REDIC1: variants seen among roughly 807,000 people sequenced by gnomAD.
The protein encoded by REDIC1 is HEI10 Interacting Protein 1.
the REDIC1 span, among the ~76,000 whole-genome samples, chr12:39,826,774 C>T: frequency 6.7e-6 from 1 of 148,830 alleles, no homozygotes; most frequent in Non-Finnish European, 1.5e-5. Context: ...CACATATATA[C>T]TGCACCAATC....
chr12:39,695,675 A>T, the REDIC1 span, among the ~76,000 whole-genome samples: 4 of 152,136 alleles, frequency 2.6e-5, no homozygotes, highest in Non-Finnish European at 5.9e-5. Context: ...GCCTGGGGGA[A>T]CTTGACACCC....
At chr12:39,712,254 A>G in the REDIC1 span, among the ~76,000 whole-genome samples, 1 of 143,798 alleles carries the variant, frequency 7.0e-6, no homozygotes, top group Admixed American at 7.0e-5. Flanking sequence ...GTACATACAT[A>G]TATACATATG....
chr12:39,673,653 A>G, the REDIC1 span, among the ~76,000 whole-genome samples: 1 of 152,080 alleles, frequency 6.6e-6, no homozygotes, highest in Non-Finnish European at 1.5e-5. Flanking sequence ...TCCTGTTTTC[A>G]TGTATCTAAC....
chr12:39,705,454 C>G, the REDIC1 span, among the ~76,000 whole-genome samples: 1 of 152,034 alleles, frequency 6.6e-6, no homozygotes, highest in Non-Finnish European at 1.5e-5. Context: ...ACTTCCAAAC[C>G]CATTCTACAA....
chr12:39,833,492 C>A, the REDIC1 span, among the ~76,000 whole-genome samples: 4 of 152,052 alleles, frequency 2.6e-5, no homozygotes, highest in African/African-American at 4.8e-5. Context: ...ATCCTTCTAA[C>A]CACTCTCACC....
chr12:39,693,351 A>G, the REDIC1 span, among the ~76,000 whole-genome samples: 2 of 151,388 alleles, frequency 1.3e-5, no homozygotes, highest in African/African-American at 4.8e-5. Context: ...TTTTTTGAAT[A>G]TGTAAAATAC....
At chr12:39,784,671 A>G in the REDIC1 span, among the ~76,000 whole-genome samples, 1 of 152,372 alleles carries the variant, frequency 6.6e-6, no homozygotes, top group African/African-American at 2.4e-5. Flanking sequence ...ATGGGCAAGG[A>G]CTTCATGACT....
At chr12:39,682,908 A>C in the REDIC1 span, 1 of 1,612,494 alleles carries the variant, frequency 6.2e-7, no homozygotes, top group East Asian at 2.2e-5. Flanking sequence ...ATAGTATGGG[A>C]GATACTTGTG....
At chr12:39,852,867 G>A in the REDIC1 span, among the ~76,000 whole-genome samples, 164 of 152,264 alleles carry the variant, frequency 1.1e-3, no homozygotes, top group African/African-American at 3.8e-3. Context: ...CTTCCGAGAC[G>A]AATTAGACTG....
chr12:39,783,658 T>G, the REDIC1 span, among the ~76,000 whole-genome samples: 1 of 152,350 alleles, frequency 6.6e-6, no homozygotes, highest in South Asian at 2.1e-4. Flanking sequence ...GTTGGCTGCA[T>G]AAATGTCTTC....
the REDIC1 span, among the ~76,000 whole-genome samples, chr12:39,825,700 TTC>T: frequency 4.6e-5 from 7 of 152,184 alleles, no homozygotes; most frequent in Non-Finnish European, 1.0e-4. Context: ...TGTTTGTGCC[TTC>T]TCTCTCTTCT....
At chr12:39,748,799 C>CATGT in the REDIC1 span, among the ~76,000 whole-genome samples, 1 of 152,216 alleles carries the variant, frequency 6.6e-6, no homozygotes, top group Non-Finnish European at 1.5e-5. Flanking sequence ...GGAAACTGAA[C>CATGT]ACCCTGCTCC....
chr12:39,671,635 G>T, the REDIC1 span, among the ~76,000 whole-genome samples: 2 of 152,076 alleles, frequency 1.3e-5, no homozygotes. Context: ...ACAACCCTCA[G>T]GTTTCCAGGT....
the REDIC1 span, among the ~76,000 whole-genome samples, chr12:39,657,118 T>G: frequency 0.054 from 8,254 of 152,314 alleles, 346 homozygotes; most frequent in African/African-American, 0.12. Context: ...AAAACAACTT[T>G]CATCCTGCAA....
At chr12:39,857,788 C>G in the REDIC1 span, among the ~76,000 whole-genome samples, 1 of 152,126 alleles carries the variant, frequency 6.6e-6, no homozygotes, top group South Asian at 2.1e-4. Flanking sequence ...CTCGTTATGA[C>G]CCAGTCTTGT....
chr12:39,646,187 T>G, the REDIC1 span: 1 of 291,634 alleles, frequency 3.4e-6, no homozygotes, highest in Non-Finnish European at 6.3e-6. Flanking sequence ...TTGTAATGAT[T>G]TATTTTAGCA....
chr12:39,755,580 G>T, the REDIC1 span: 20,334 of 151,924 alleles, frequency 0.13, 1,643 homozygotes, highest in East Asian at 0.39. Flanking sequence ...ACCTTTAAAT[G>T]AGATGGAATA....
the REDIC1 span, among the ~76,000 whole-genome samples, chr12:39,639,807 A>G: frequency 1.3e-5 from 2 of 151,980 alleles, no homozygotes; most frequent in African/African-American, 4.8e-5. Flanking sequence ...TTATTTTGAT[A>G]TTAGATAGTA....
the REDIC1 span, chr12:39,758,177 T>C: frequency 6.6e-6 from 1 of 151,616 alleles, no homozygotes; most frequent in African/African-American, 2.4e-5. Context: ...CTCTATAAAA[T>C]ATTAATTTTT....
Sources: gnomAD v4.1 joint callset for allele counts (sites outside exome capture counted in the v4.1 genomes callset) on GRCh38, gnomAD v4.1.1 for gene constraint, MANE v1.5 for transcripts, NCBI Gene and HGNC (gene_info 2026-07-23, HGNC 2026-07-21) for gene names.